Variants in SOX5 observed in about 807,000 individuals in gnomAD.
The protein encoded by SOX5 is transcription factor SOX-5.
Under a neutral mutation model 92.0 loss-of-function variants are expected in SOX5, and 9 were observed. The observed-to-expected ratio is 0.10, with a 90% CI of 0.06 to 0.17. The LOEUF (loss-of-function observed/expected upper bound fraction) is 0.17. SOX5 is among the 10% of genes least tolerant of loss of function. SOX5 has a pLI of 1.00. For synonymous variants in SOX5, 344 were observed against 336.3 expected (o/e 1.02, Z -0.25); for missense variants, 642 against 944.5 (o/e 0.68, Z 4.20).
At chr12:23,643,254 T>C (rs1482367055) in intron 7 of SOX5, among the ~76,000 whole-genome samples, 1 of 152,184 alleles carries the variant, frequency 6.6e-6, no homozygotes, top group Non-Finnish European at 1.5e-5. Flanking sequence ...TCCAGGTTTT[T>C]CACTAAAACA....
intron 3 of SOX5, among the ~76,000 whole-genome samples, chr12:23,789,938 C>A (rs747260932): frequency 6.6e-5 from 10 of 152,148 alleles, no homozygotes; most frequent in Non-Finnish European, 1.3e-4. Context: ...TTTTCAAGCT[C>A]AACCCCGCAA....
intron 1 of SOX5, among the ~76,000 whole-genome samples, chr12:24,519,172 C>G (rs1481373402): frequency 6.6e-6 from 1 of 151,878 alleles, no homozygotes; most frequent in Non-Finnish European, 1.5e-5. Flanking sequence ...GAATTTTTTT[C>G]TTTTTCAGTA....
intron 2 of SOX5, among the ~76,000 whole-genome samples, chr12:23,855,235 T>G (rs1299931100): frequency 6.6e-6 from 1 of 152,178 alleles, no homozygotes; most frequent in East Asian, 1.9e-4. Flanking sequence ...AATTTAAAAT[T>G]TATTTAATGT....
At chr12:23,911,821 T>A (rs1240250751) in intron 1 of SOX5, among the ~76,000 whole-genome samples, 1 of 152,140 alleles carries the variant, frequency 6.6e-6, no homozygotes, top group East Asian at 1.9e-4. Context: ...TAGACATATA[T>A]GTAAGAGCTA....
At chr12:24,215,907 A>G (rs1349935668) in intron 3 of SOX5, among the ~76,000 whole-genome samples, 3 of 152,230 alleles carry the variant, frequency 2.0e-5, no homozygotes, top group Non-Finnish European at 1.5e-5. Context: ...GGATGCACAT[A>G]TAGATCTAAT....
chr12:24,256,184 A>G (rs931190554), intron 3 of SOX5, among the ~76,000 whole-genome samples: 1 of 152,232 alleles, frequency 6.6e-6, no homozygotes, highest in Non-Finnish European at 1.5e-5. Context: ...GTAAGCAGAC[A>G]TTATATCTTT....
chr12:24,384,307 C>T lies in SOX5; in HGVS notation c.-250-15668G>A, dbSNP rs551436980. ...GTGCCATGGCTGCTCTGATAGGAGG[C>T]GGAGCCCAGGTGGTAATGCTGGCTC... On this transcript the variant is annotated intron_variant, in intron 1 of 4. Transcript: ENST00000446891. Among the ~76,000 whole-genome samples the T allele has an allele frequency of 7.2e-5, 11 of 152,290 alleles. No individual in the cohort carries two copies. In the East Asian group the frequency reaches 9.7e-4, roughly 13 times the overall value.
intron 1 of SOX5, among the ~76,000 whole-genome samples, chr12:24,464,835 A>G (rs754808505): frequency 6.6e-6 from 1 of 152,262 alleles, no homozygotes; most frequent in Non-Finnish European, 1.5e-5. Flanking sequence ...CTAGTAATGT[A>G]GGCACTTTCA....
chr12:23,636,576 T>G (rs2079274277), intron 8 of SOX5, among the ~76,000 whole-genome samples: 1 of 152,168 alleles, frequency 6.6e-6, no homozygotes. Flanking sequence ...AGGAATAGAT[T>G]TATAATGTCC....
intron 4 of SOX5, among the ~76,000 whole-genome samples, chr12:23,993,910 T>A (rs1175602086): frequency 6.6e-6 from 1 of 151,558 alleles, no homozygotes; most frequent in African/African-American, 2.4e-5. Context: ...TATGTATGTA[T>A]GTATGCATGT....
chr12:23,804,834 C>T (rs1165276596), intron 3 of SOX5, among the ~76,000 whole-genome samples: 1 of 148,456 alleles, frequency 6.7e-6, no homozygotes, highest in Admixed American at 6.8e-5. Flanking sequence ...CACTTTGTTT[C>T]TGATTACGAT....
chr12:24,307,167 T>G (rs1290540663), intron 2 of SOX5, among the ~76,000 whole-genome samples: 1 of 152,114 alleles, frequency 6.6e-6, no homozygotes, highest in African/African-American at 2.4e-5. Flanking sequence ...GTACAAATTG[T>G]GCAAGAACTT....
intron 2 of SOX5, among the ~76,000 whole-genome samples, chr12:23,861,627 A>T (rs2096758343): frequency 6.6e-6 from 1 of 152,012 alleles, no homozygotes; most frequent in African/African-American, 2.4e-5. Context: ...AAAAGTATTT[A>T]CTCTTTATAT....
intron 3 of SOX5, among the ~76,000 whole-genome samples, chr12:23,803,611 G>C (rs1386940142): frequency 1.3e-5 from 2 of 151,970 alleles, no homozygotes; most frequent in Admixed American, 6.6e-5. Context: ...TACTGTATTA[G>C]CCTAGGAACA....
chr12:24,289,459 T>C, intron 2 of SOX5, among the ~76,000 whole-genome samples: 1 of 118,198 alleles, frequency 8.5e-6, no homozygotes, highest in South Asian at 2.5e-4. Flanking sequence ...GTATCTTTTT[T>C]TTTTTTTTTT....
At chr12:24,376,236 A>C (rs12818848) in intron 1 of SOX5, among the ~76,000 whole-genome samples, 1 of 152,180 alleles carries the variant, frequency 6.6e-6, no homozygotes, top group Non-Finnish European at 1.5e-5. Context: ...TCTAACACAG[A>C]GGTACTTGTG....
chr12:23,750,697 C>T (rs912728679), intron 4 of SOX5, among the ~76,000 whole-genome samples: 38 of 151,544 alleles, frequency 2.5e-4, no homozygotes, highest in Non-Finnish European at 5.2e-4. Flanking sequence ...GTATTTTTTC[C>T]AATATAAAGC....
intron 3 of SOX5, among the ~76,000 whole-genome samples, chr12:24,265,954 G>A (rs1308402550): frequency 6.6e-6 from 1 of 152,086 alleles, no homozygotes; most frequent in African/African-American, 2.4e-5. Context: ...AAGTTGGAGT[G>A]CAGTGGCATG....
intron 11 of SOX5, among the ~76,000 whole-genome samples, chr12:23,547,296 A>G (rs1224939356): frequency 6.6e-6 from 1 of 152,144 alleles, no homozygotes; most frequent in Non-Finnish European, 1.5e-5. Context: ...TCTGAGGATG[A>G]TGTAGTACCA....
Sources: gnomAD v4.1 joint callset for allele counts (sites outside exome capture counted in the v4.1 genomes callset) on GRCh38, gnomAD v4.1.1 for gene constraint, MANE v1.5 for transcripts, NCBI Gene and HGNC (gene_info 2026-07-23, HGNC 2026-07-21) for gene names.